Variants in STK32B observed in about 807,000 individuals in gnomAD.
The protein encoded by STK32B is serine/threonine kinase 32B.
Under a neutral mutation model 52.6 loss-of-function variants are expected in STK32B, and 43 were observed. The ratio of observed to expected loss-of-function variants is 0.82; its 90% CI spans 0.64 to 1.05. The LOEUF (loss-of-function observed/expected upper bound fraction) is 1.05. Ranked by LOEUF, STK32B falls within the 50% of genes least tolerant of loss-of-function variation. The pLI is 0.00. For synonymous variants in STK32B, 238 were observed against 204.3 expected (o/e 1.17, Z -1.41); for missense variants, 621 against 534.6 (o/e 1.16, Z -1.59).
chr4:5,392,967 A>T (rs1736676185), intron 4 of STK32B, among the ~76,000 whole-genome samples: 2 of 152,224 alleles, frequency 1.3e-5, no homozygotes, highest in African/African-American at 4.8e-5. Flanking sequence ...AGGGAGAAAG[A>T]AGTAATGTTT....
intron 4 of STK32B, among the ~76,000 whole-genome samples, chr4:5,366,714 G>A (rs1734901915): frequency 6.6e-6 from 1 of 152,222 alleles, no homozygotes. Context: ...GCAGACATGG[G>A]TCAAAATCCT....
At chr4:5,235,764 G>A (rs1409207348) in intron 3 of STK32B, among the ~76,000 whole-genome samples, 1 of 152,316 alleles carries the variant, frequency 6.6e-6, no homozygotes, top group African/African-American at 2.4e-5. Flanking sequence ...CACTTCAGAT[G>A]CTTAGCAAGG....
chr4:5,438,763 C>A (rs1238731660), intron 6 of STK32B, among the ~76,000 whole-genome samples: 1 of 152,214 alleles, frequency 6.6e-6, no homozygotes, highest in Non-Finnish European at 1.5e-5. Context: ...TCCCCACACC[C>A]CACAACAGTT....
chr4:5,239,738 G>A (rs1724879797), intron 3 of STK32B, among the ~76,000 whole-genome samples: 1 of 151,922 alleles, frequency 6.6e-6, no homozygotes, highest in South Asian at 2.1e-4. Flanking sequence ...TTATTTATAT[G>A]GTTATACTAA....
intron 4 of STK32B, among the ~76,000 whole-genome samples, chr4:5,339,404 T>A (rs1346185099): frequency 6.6e-6 from 1 of 152,180 alleles, no homozygotes; most frequent in Non-Finnish European, 1.5e-5. Flanking sequence ...TGAGTCAGCG[T>A]TTTTTACCTC....
At chr4:5,358,728 C>T (rs932560020) in intron 4 of STK32B, among the ~76,000 whole-genome samples, 5 of 151,532 alleles carry the variant, frequency 3.3e-5, no homozygotes, top group East Asian at 3.9e-4. Flanking sequence ...CACACAGGCA[C>T]ACAAAGGCAC....
intron 2 of STK32B, among the ~76,000 whole-genome samples, chr4:5,144,818 ATC>A (rs1716782792): frequency 1.3e-5 from 2 of 152,138 alleles, no homozygotes; most frequent in African/African-American, 4.8e-5. Context: ...CCATCCATCC[ATC>A]CATCCATCCA....
chr4:5,317,181 T>TATATATAACATATATATA (rs1560313099), intron 3 of STK32B, among the ~76,000 whole-genome samples: 1 of 46,334 alleles, frequency 2.2e-5, no homozygotes, highest in Non-Finnish European at 2.9e-5. Context: ...ACATATAATA[T>TATATATAACATATATATA]ATATATATAA....
intron 3 of STK32B, among the ~76,000 whole-genome samples, chr4:5,222,307 G>T (rs1306081783): frequency 2.6e-5 from 4 of 152,148 alleles, no homozygotes; most frequent in Non-Finnish European, 5.9e-5. Flanking sequence ...CTGGGTAATG[G>T]GTAGAGGCTG....
At chr4:5,163,712 G>A (rs1718639615) in intron 2 of STK32B, among the ~76,000 whole-genome samples, 1 of 152,176 alleles carries the variant, frequency 6.6e-6, no homozygotes, top group South Asian at 2.1e-4. Context: ...TTCTCACCAG[G>A]CAAAAGGATA....
In STK32B at chr4:5,230,049, A is replaced by G. The variant is rs534405078; in HGVS notation, c.260+61599A>G. Among the ~76,000 whole-genome samples the G allele has an allele frequency of 1.4e-4, 21 of 151,994 alleles. No individual in the cohort carries two copies. The East Asian group carries it at 1.7e-3, about 13-fold the overall frequency. On this transcript the variant is annotated intron_variant, in intron 3 of 11. Coordinates refer to ENST00000282908, the MANE Select transcript of STK32B (RefSeq NM_018401.3). ...CTCTTGTCGTCCAGGCTGAAGTGCAATGGCGTGATCTTGGCTCACTGCAAT... is the reference window on the plus strand; with the variant it reads ...CTCTTGTCGTCCAGGCTGAAGTGCAGTGGCGTGATCTTGGCTCACTGCAAT...
chr4:5,050,554 A>G (rs1002650663), upstream of STK32B, among the ~76,000 whole-genome samples: 1 of 152,180 alleles, frequency 6.6e-6, no homozygotes, highest in African/African-American at 2.4e-5. Flanking sequence ...GATAGGATGG[A>G]GAGAGTCACA....
chr4:5,278,590 C>A (rs926828866), intron 3 of STK32B, among the ~76,000 whole-genome samples: 2 of 152,142 alleles, frequency 1.3e-5, no homozygotes, highest in Non-Finnish European at 2.9e-5. Flanking sequence ...AATTCACTTG[C>A]GAATTTGAAA....
intron 7 of STK32B, 155 bp downstream of exon 7, chr4:5,446,931 C>T: frequency 1.6e-6 from 1 of 635,822 alleles, no homozygotes; most frequent in Non-Finnish European, 2.7e-6. Flanking sequence ...TGTGTGCCGC[C>T]TATGAACGCC....
At position 5,051,884 on chromosome 4, in the gene STK32B, C is replaced by CA. The variant is rs768322251; in HGVS notation, c.23dup (p.Pro9AlafsTer5). The CA allele has an allele frequency of 5.6e-6, 9 of 1,600,660 alleles. No homozygotes were observed. In the East Asian group the frequency reaches 2.1e-4, roughly 37 times the overall value. ...GGAATATGGGCGGGAACCACTCCCA[C>CA]AAGCCCCCCGTGTTTGACGAGAATG... On this transcript the variant is annotated frameshift_variant, in exon 1 of 12. Coordinates refer to ENST00000282908, the MANE Select transcript of STK32B (RefSeq NM_018401.3). LOFTEE classifies it high-confidence loss of function.
intron 3 of STK32B, among the ~76,000 whole-genome samples, chr4:5,187,317 A>G (rs1720821801): frequency 6.6e-6 from 1 of 152,144 alleles, no homozygotes; most frequent in Non-Finnish European, 1.5e-5. Context: ...TCCATGGGGA[A>G]TTAGTAAATT....
At chr4:5,082,814 A>C (rs1342956672) in intron 1 of STK32B, among the ~76,000 whole-genome samples, 1 of 152,172 alleles carries the variant, frequency 6.6e-6, no homozygotes, top group Non-Finnish European at 1.5e-5. Flanking sequence ...GTGAGAACCA[A>C]TGTTAAATTT....
chr4:5,148,943 A>G (rs1436556517), intron 2 of STK32B, among the ~76,000 whole-genome samples: 2 of 151,754 alleles, frequency 1.3e-5, no homozygotes, highest in East Asian at 3.8e-4. Context: ...CCTTATGATG[A>G]ATTGTCCCTA....
intron 1 of STK32B, among the ~76,000 whole-genome samples, chr4:5,077,501 A>G (rs1712153251): frequency 1.3e-5 from 2 of 152,098 alleles, no homozygotes; most frequent in South Asian, 4.2e-4. Context: ...TCTCTGCAGC[A>G]ATCAGAATGG....
Sources: gnomAD v4.1 joint callset for allele counts (sites outside exome capture counted in the v4.1 genomes callset) on GRCh38, gnomAD v4.1.1 for gene constraint, MANE v1.5 for transcripts, NCBI Gene and HGNC (gene_info 2026-07-23, HGNC 2026-07-21) for gene names.